The following FAM204A variants were observed in gnomAD, a reference collection of about 807,000 sequenced individuals.
FAM204A encodes protein FAM204A.
A neutral mutation model predicts 35.4 loss-of-function variants in FAM204A; 16 were observed. The ratio of observed to expected loss-of-function variants is 0.45; its 90% CI spans 0.31 to 0.69. FAM204A has a LOEUF of 0.69. Among genes scored for constraint, FAM204A ranks in the 30% least tolerant of loss-of-function variants. The pLI is 0.07. For missense variants in FAM204A, 240 were observed against 265.7 expected (o/e 0.90, Z 0.67); for synonymous variants, 76 against 86.9 (o/e 0.88, Z 0.70).
At chr10:118,337,698 A>G (rs986298382) in intron 2 of FAM204A, among the ~76,000 whole-genome samples, 1 of 152,178 alleles carries the variant, frequency 6.6e-6, no homozygotes, top group Non-Finnish European at 1.5e-5. Flanking sequence ...AAATCATTTG[A>G]CATCTCTGAC....
At chr10:118,340,081 A>G (rs1405716225) in intron 2 of FAM204A, among the ~76,000 whole-genome samples, 1 of 152,168 alleles carries the variant, frequency 6.6e-6, no homozygotes. Flanking sequence ...AAACTATTTT[A>G]TTTTTCCCCT....
In FAM204A at chr10:118,310,819, C is replaced by CAT. The variant is rs1845940684; in HGVS notation, c.*36_*37dup. The CAT allele has an allele frequency of 6.5e-7, 1 of 1,527,772 alleles. No individual in the cohort carries two copies. The highest frequency in any genetic ancestry group is 2.0e-4 in the Middle Eastern group (1 of 4,992). The allele number at this position is 1,527,772 out of a possible 1,614,324, so 94.6% of individuals were successfully genotyped here. On this transcript the variant is annotated 3_prime_UTR_variant, in exon 9 of 9. Transcript: ENST00000369183. Reference sequence around the variant, plus strand: ...AGGAAAACATTCTCAGTAAATTGAGCATTTGAGTCTACAAATGTCTTGAAG... The same window carrying CAT: ...AGGAAAACATTCTCAGTAAATTGAGCATATTTGAGTCTACAAATGTCTTGAAG...
chr10:118,319,664 T>A (rs2133273447), intron 7 of FAM204A, among the ~76,000 whole-genome samples: 1 of 152,120 alleles, frequency 6.6e-6, no homozygotes, highest in African/African-American at 2.4e-5. Flanking sequence ...TGAGCTTTCA[T>A]ATATGAAAAA....
At chr10:118,327,935 C>T (rs957968330) in intron 6 of FAM204A, among the ~76,000 whole-genome samples, 1 of 152,146 alleles carries the variant, frequency 6.6e-6, no homozygotes, top group East Asian at 1.9e-4. Flanking sequence ...TGCGGTTTAA[C>T]CTGGGTGACA....
intron 7 of FAM204A, among the ~76,000 whole-genome samples, chr10:118,311,944 C>T (rs764475287): frequency 1.3e-4 from 20 of 152,106 alleles, no homozygotes; most frequent in Non-Finnish European, 2.2e-4. Context: ...TGTGTGCCCC[C>T]CTTACACCCA....
intron 6 of FAM204A, among the ~76,000 whole-genome samples, chr10:118,330,343 C>T (rs1181723473): frequency 6.6e-6 from 1 of 152,206 alleles, no homozygotes; most frequent in Non-Finnish European, 1.5e-5. Context: ...AACCATTCAT[C>T]TCAACAACCT....
At position 118,335,434 on chromosome 10, in the gene FAM204A, G is replaced by A. The variant is rs370208438; in HGVS notation, c.323-8C>T. 93 of 1,595,960 alleles carry A rather than the reference G, an allele frequency of 5.8e-5. No individual in the cohort carries two copies. The highest frequency in any genetic ancestry group is 7.5e-5 in the Non-Finnish European group (88 of 1,172,310). On this transcript the variant is annotated splice_polypyrimidine_tract_variant and splice_region_variant and intron_variant, in intron 4 of 8. Coordinates refer to ENST00000369183, the MANE Select transcript of FAM204A (RefSeq NM_022063.3). Reference sequence around the variant, plus strand: ...TTTCATTCTTCAATTTATCTGAAAAGAATTCACAAAGTGTCAATACCTAAC... The same window carrying A: ...TTTCATTCTTCAATTTATCTGAAAAAAATTCACAAAGTGTCAATACCTAAC...
chr10:118,334,937 TTTCTC>T (rs1369984682), intron 6 of FAM204A, among the ~76,000 whole-genome samples, 172 bp downstream of exon 6: 1 of 152,220 alleles, frequency 6.6e-6, no homozygotes, highest in Non-Finnish European at 1.5e-5. Flanking sequence ...CAACCTGTTC[TTTCTC>T]TTAACAGTTT....
Position 118,341,922 on chromosome 10 carries a change from C to T in FAM204A, c.-204G>A, listed in dbSNP as rs1264592805. 3 of 152,292 alleles carry T rather than the reference C, an allele frequency of 2.0e-5. No homozygotes were observed. Among genetic ancestry groups the T allele is most frequent in the African/African-American group, 7.2e-5 (3 of 41,474 alleles). 9.4% of individuals were successfully genotyped at this position (152,292 alleles called of 1,614,324 possible). ...TCTAGCCTGCTGGCAGTCCCATTAA[C>T]TGGAGCTGTTTTCCGGAATACAGCA... On this transcript the variant is annotated 5_prime_UTR_variant, in exon 2 of 9. Transcript: ENST00000369183.
At chr10:118,327,105 A>T (rs1207763360) in intron 6 of FAM204A, among the ~76,000 whole-genome samples, 1 of 152,204 alleles carries the variant, frequency 6.6e-6, no homozygotes, top group East Asian at 1.9e-4. Flanking sequence ...TGCTTCTTAG[A>T]AGCAAATTTT....
rs1845832900 is a variant in FAM204A at position 118,303,686 on chromosome 10, C to T, written c.*7171G>A. 2 of 152,676 alleles carry T rather than the reference C, an allele frequency of 1.3e-5. No homozygotes were observed. Among genetic ancestry groups the T allele is most frequent in the African/African-American group, 4.8e-5 (2 of 41,458 alleles). The allele number at this position is 152,676 out of a possible 1,614,324, so 9.5% of individuals were successfully genotyped here. A position where few individuals can be genotyped will look rare whatever the true frequency, so the allele number is the denominator to read the frequency against. ...AATTAGCTGGGCGTGGTGGTGCATG[C>T]CTGTAGTTCCACCTACTCGGGAGGC... On this transcript the variant is annotated 3_prime_UTR_variant, in exon 9 of 9. Transcript: ENST00000369183.
chr10:118,314,185 T>A (rs1383482361), intron 7 of FAM204A, among the ~76,000 whole-genome samples: 1 of 152,216 alleles, frequency 6.6e-6, no homozygotes, highest in Non-Finnish European at 1.5e-5. Flanking sequence ...TTAATAAATA[T>A]AATAAACAAC....
intron 2 of FAM204A, chr10:118,337,305 T>C: frequency 1.2e-6 from 1 of 866,188 alleles, no homozygotes; most frequent in Non-Finnish European, 1.4e-6. Flanking sequence ...ATGCTTAAAA[T>C]AGAGAAGCCG....
intron 3 of FAM204A, 91 bp downstream of exon 3, chr10:118,336,091 A>G: frequency 6.9e-7 from 1 of 1,450,172 alleles, no homozygotes; most frequent in African/African-American, 1.4e-5. Context: ...TTAAGTCCCA[A>G]GAATACATGC....
intron 6 of FAM204A, among the ~76,000 whole-genome samples, chr10:118,330,743 A>T (rs951878525): frequency 1.3e-5 from 2 of 152,146 alleles, no homozygotes; most frequent in African/African-American, 2.4e-5. Flanking sequence ...CACTCAAAAC[A>T]CTTAGTAAAA....
chr10:118,327,010 G>T (rs1846207615), intron 6 of FAM204A, among the ~76,000 whole-genome samples: 1 of 152,148 alleles, frequency 6.6e-6, no homozygotes, highest in African/African-American at 2.4e-5. Flanking sequence ...TTTATAAAAA[G>T]ATGCTTAGAC....
intron 2 of FAM204A, 46 bp from the exon 3 acceptor site, chr10:118,336,469 A>G: frequency 6.7e-7 from 1 of 1,503,232 alleles, no homozygotes; most frequent in East Asian, 2.4e-5. Context: ...AACCATAGAA[A>G]TAATTTTAAG....
At position 118,301,185 on chromosome 10, in the gene FAM204A, A is replaced by G. The variant is rs934948730; in HGVS notation, c.*9672T>C. Reference sequence around the variant, plus strand: ...AATTACATTTTTGTTTCTTCCAGAAAATTGGCACGTACTGTGGAGTAATAA... The same window carrying G: ...AATTACATTTTTGTTTCTTCCAGAAGATTGGCACGTACTGTGGAGTAATAA... On this transcript the variant is annotated 3_prime_UTR_variant, in exon 9 of 9. Coordinates refer to ENST00000369183, the MANE Select transcript of FAM204A (RefSeq NM_022063.3). 2.6e-5 allele frequency: 4 copies of G among 152,226 alleles called. No individual in the cohort carries two copies. Among genetic ancestry groups the G allele is most frequent in the Non-Finnish European group, 5.9e-5 (4 of 68,036 alleles). 9.4% of individuals were successfully genotyped at this position (152,226 alleles called of 1,614,324 possible). A position where few individuals can be genotyped will look rare whatever the true frequency, so the allele number is the denominator to read the frequency against.
chr10:118,314,905 C>T (rs183157527), intron 7 of FAM204A, among the ~76,000 whole-genome samples: 23 of 152,134 alleles, frequency 1.5e-4, no homozygotes, highest in Non-Finnish European at 2.5e-4. Context: ...GAAAATTAAG[C>T]TCTAAAGGCT....
Sources: gnomAD v4.1 joint callset for allele counts (sites outside exome capture counted in the v4.1 genomes callset) on GRCh38, gnomAD v4.1.1 for gene constraint, MANE v1.5 for transcripts, NCBI Gene and HGNC (gene_info 2026-07-23, HGNC 2026-07-21) for gene names.